Variants in STK32B observed in about 807,000 individuals in gnomAD.
The protein encoded by STK32B is serine/threonine kinase 32B.
A neutral mutation model predicts 52.6 loss-of-function variants in STK32B; 43 were observed. That is an observed-to-expected ratio of 0.82 (90% CI 0.64 to 1.05). STK32B has a LOEUF of 1.05. Ranked by LOEUF, STK32B falls within the 50% of genes least tolerant of loss-of-function variation. The pLI is 0.00. For missense variants in STK32B, 621 were observed against 534.6 expected (o/e 1.16, Z -1.59); for synonymous variants, 238 against 204.3 (o/e 1.17, Z -1.41).
At chr4:5,154,029 A>G (rs1303955144) in intron 2 of STK32B, among the ~76,000 whole-genome samples, 1 of 152,224 alleles carries the variant, frequency 6.6e-6, no homozygotes, top group African/African-American at 2.4e-5. Context: ...TAGAAGAGCT[A>G]AAACAATTTT....
chr4:5,431,817 C>T (rs1282464384), intron 6 of STK32B, among the ~76,000 whole-genome samples: 6 of 152,088 alleles, frequency 3.9e-5, no homozygotes, highest in Non-Finnish European at 7.4e-5. Context: ...AATATGTAAG[C>T]GTGTGACACC....
chr4:5,388,631 G>A (rs1223944473), intron 4 of STK32B, among the ~76,000 whole-genome samples: 2 of 152,108 alleles, frequency 1.3e-5, no homozygotes, highest in Non-Finnish European at 2.9e-5. Flanking sequence ...GCTGACTCAC[G>A]GATCTATCAT....
intron 2 of STK32B, among the ~76,000 whole-genome samples, chr4:5,161,763 G>A (rs758161943): frequency 1.3e-5 from 2 of 152,164 alleles, no homozygotes; most frequent in African/African-American, 2.4e-5. Flanking sequence ...TTCTTTCAGC[G>A]AATTATTTGA....
chr4:5,171,349 T>G (rs1018064216), intron 3 of STK32B, among the ~76,000 whole-genome samples: 9 of 151,984 alleles, frequency 5.9e-5, no homozygotes, highest in African/African-American at 2.2e-4. Context: ...TTGTTGCCAT[T>G]GCTTTTGGTG....
intron 3 of STK32B, among the ~76,000 whole-genome samples, chr4:5,246,792 G>T (rs1389260632): frequency 6.6e-6 from 1 of 152,164 alleles, no homozygotes; most frequent in Non-Finnish European, 1.5e-5. Flanking sequence ...CCTTCTAACA[G>T]TCAGGACCCT....
At chr4:5,490,487 A>C (rs1470855298) in intron 11 of STK32B, among the ~76,000 whole-genome samples, 5 of 152,186 alleles carry the variant, frequency 3.3e-5, no homozygotes, top group Non-Finnish European at 7.3e-5. Flanking sequence ...TGAATTGGAC[A>C]AAGAATAATG....
At chr4:5,146,329 C>T (rs866957377) in intron 2 of STK32B, among the ~76,000 whole-genome samples, 8 of 152,028 alleles carry the variant, frequency 5.3e-5, no homozygotes, top group South Asian at 2.1e-4. Context: ...AGTCTGTGAC[C>T]GAAAGCCTGA....
chr4:5,288,532 T>C (rs1451062850), intron 3 of STK32B, among the ~76,000 whole-genome samples: 1 of 152,176 alleles, frequency 6.6e-6, no homozygotes, highest in Non-Finnish European at 1.5e-5. Flanking sequence ...TTTTGGTATA[T>C]TTTGATTGGA....
At chr4:5,261,821 C>G (rs1726731304) in intron 3 of STK32B, among the ~76,000 whole-genome samples, 1 of 152,048 alleles carries the variant, frequency 6.6e-6, no homozygotes, top group South Asian at 2.1e-4. Flanking sequence ...AATCAAGGCC[C>G]CGGTACCAGA....
At chr4:5,426,536 C>G (rs1713107854) in intron 6 of STK32B, among the ~76,000 whole-genome samples, 1 of 151,728 alleles carries the variant, frequency 6.6e-6, no homozygotes, top group Admixed American at 6.6e-5. Context: ...GAAACCCTGT[C>G]TCTACTAAAA....
intron 3 of STK32B, among the ~76,000 whole-genome samples, chr4:5,326,189 C>T (rs1422453595): frequency 1.3e-5 from 2 of 152,046 alleles, no homozygotes; most frequent in African/African-American, 2.4e-5. Context: ...GTACAGAACT[C>T]GCTGGTTATT....
chr4:5,419,022 T>C (rs1037532634), intron 6 of STK32B, among the ~76,000 whole-genome samples: 7 of 152,188 alleles, frequency 4.6e-5, no homozygotes, highest in African/African-American at 7.2e-5. Context: ...AACTTTCTTA[T>C]TGTCTTCCTT....
chr4:5,360,216 T>G (rs1035813175), intron 4 of STK32B, among the ~76,000 whole-genome samples: 2 of 152,110 alleles, frequency 1.3e-5, no homozygotes, highest in African/African-American at 4.8e-5. Context: ...TTTCAAAAAT[T>G]CCATTGTGAA....
intron 1 of STK32B, among the ~76,000 whole-genome samples, chr4:5,054,308 T>C (rs1741912790): frequency 6.6e-6 from 1 of 152,070 alleles, no homozygotes; most frequent in Non-Finnish European, 1.5e-5. Context: ...GTGGGTGAGC[T>C]CAGGCGACTG....
At chr4:5,048,528 C>T (rs1431902591), upstream of STK32B, among the ~76,000 whole-genome samples, 2 of 152,128 alleles carry the variant, frequency 1.3e-5, no homozygotes, top group South Asian at 4.1e-4. Flanking sequence ...AACTCCTGAG[C>T]TTAGGTAATC....
intron 3 of STK32B, among the ~76,000 whole-genome samples, chr4:5,235,364 G>C (rs1033192706): frequency 1.3e-5 from 2 of 152,158 alleles, no homozygotes; most frequent in East Asian, 3.9e-4. Flanking sequence ...GTAGGACCAG[G>C]GGTAAGTTAC....
At chr4:5,333,067 C>G (rs1382061930) in intron 4 of STK32B, among the ~76,000 whole-genome samples, 2 of 150,644 alleles carry the variant, frequency 1.3e-5, no homozygotes, top group Non-Finnish European at 2.9e-5. Flanking sequence ...TGAGGAATCG[C>G]CACACTGACT....
intron 1 of STK32B, among the ~76,000 whole-genome samples, chr4:5,104,068 G>A (rs1343813355): frequency 1.3e-5 from 2 of 152,090 alleles, no homozygotes; most frequent in Non-Finnish European, 2.9e-5. Flanking sequence ...GTTGCTTGTA[G>A]GTTTTTGATA....
chr4:5,264,269 G>A (rs1726911326), intron 3 of STK32B, among the ~76,000 whole-genome samples: 1 of 152,118 alleles, frequency 6.6e-6, no homozygotes, highest in African/African-American at 2.4e-5. Context: ...TTTTACTAGA[G>A]TTCTGGTTAC....
Sources: gnomAD v4.1 joint callset for allele counts (sites outside exome capture counted in the v4.1 genomes callset) on GRCh38, gnomAD v4.1.1 for gene constraint, MANE v1.5 for transcripts, NCBI Gene and HGNC (gene_info 2026-07-23, HGNC 2026-07-21) for gene names.